The following YWHAQ variants were observed in gnomAD, a reference collection of about 807,000 sequenced individuals.
YWHAQ encodes the protein 14-3-3 protein theta.
A neutral mutation model predicts 28.3 loss-of-function variants in YWHAQ; 6 were observed. That is an observed-to-expected ratio of 0.21 (90% CI 0.12 to 0.42). The LOEUF (loss-of-function observed/expected upper bound fraction) is 0.42, where lower values mean the gene tolerates loss of function less well. Ranked by LOEUF, YWHAQ falls within the 10% of genes least tolerant of loss-of-function variation. YWHAQ has a pLI of 1.00. For synonymous variants in YWHAQ, 143 were observed against 119.1 expected, an observed-to-expected ratio of 1.20 and a Z score of -1.31; for missense variants, 201 against 305.6, an observed-to-expected ratio of 0.66 and a Z score of 2.55.
intron 2 of YWHAQ, among the ~76,000 whole-genome samples, chr2:9,601,807 G>A (rs772902950): frequency 5.3e-5 from 8 of 152,002 alleles, no homozygotes; most frequent in South Asian, 2.1e-4. Context: ...CACCTTGCTC[G>A]GCTAATTTCT....
Position 9,630,588 on chromosome 2 carries a change from TCAGA to T in YWHAQ, c.-82-58_-82-55del. On this transcript the variant is annotated intron_variant, in intron 1 of 5. Transcript: ENST00000238081. The surrounding 1 kb of genome is among the most constrained non-coding windows in gnomAD (Gnocchi z 5.6). ...AACAAAAAGCAGAGAGGGAGCGCCG[TCAGA>T]CAATGCGGCCCGCCGCCCGCTTTTG... The T allele has an allele frequency of 2.4e-6, 2 of 843,860 alleles. No homozygotes were observed. Among genetic ancestry groups the T allele is most frequent in the Non-Finnish European group, 3.5e-6 (2 of 574,804 alleles). 52.3% of individuals were successfully genotyped at this position (843,860 alleles called of 1,614,324 possible).
At chr2:9,585,981 G>A (rs1269599929) in intron 5 of YWHAQ, among the ~76,000 whole-genome samples, 3 of 151,466 alleles carry the variant, frequency 2.0e-5, no homozygotes, top group African/African-American at 7.3e-5. Flanking sequence ...CAAAGTGATA[G>A]TCTCTATTCC....
intron 4 of YWHAQ, 142 bp downstream of exon 4, chr2:9,588,023 G>C (rs1666380805): frequency 1.9e-6 from 2 of 1,047,952 alleles, no homozygotes; most frequent in South Asian, 2.0e-5. Context: ...AGGTAATCAT[G>C]ATGGGAAGAA....
intron 2 of YWHAQ, among the ~76,000 whole-genome samples, chr2:9,623,930 G>C (rs995809686): frequency 4.6e-5 from 7 of 152,154 alleles, no homozygotes; most frequent in Admixed American, 1.3e-4. Flanking sequence ...GTCTTTAAAA[G>C]AGCTCAGGGC....
intron 2 of YWHAQ, among the ~76,000 whole-genome samples, chr2:9,615,633 A>C (rs1013708469): frequency 2.8e-4 from 42 of 152,132 alleles, no homozygotes; most frequent in Admixed American, 1.3e-4. Context: ...AGTCTTTATG[A>C]GCAATACCAG....
intron 2 of YWHAQ, among the ~76,000 whole-genome samples, chr2:9,611,753 C>T (rs969981132): frequency 6.6e-6 from 1 of 152,168 alleles, no homozygotes; most frequent in Non-Finnish European, 1.5e-5. Flanking sequence ...TCACTACAAC[C>T]TCTGCCTCCC....
intron 2 of YWHAQ, among the ~76,000 whole-genome samples, chr2:9,617,654 A>T (rs76468195): frequency 0.042 from 6,371 of 152,234 alleles, 376 homozygotes; most frequent in African/African-American, 0.13. Context: ...TTTATTTAAA[A>T]AAGGTTAGGT....
At chr2:9,605,138 C>G (rs895931010) in intron 2 of YWHAQ, among the ~76,000 whole-genome samples, 1 of 97,474 alleles carries the variant, frequency 1.0e-5, no homozygotes, top group African/African-American at 5.8e-5. Flanking sequence ...ATTCTGTTCT[C>G]TCTTTTTTTT....
chr2:9,623,178 C>T (rs1667175074), intron 2 of YWHAQ, among the ~76,000 whole-genome samples: 1 of 152,202 alleles, frequency 6.6e-6, no homozygotes. Context: ...GGTCCTCATA[C>T]ATCCAATACT....
At chr2:9,600,969 C>T (rs762896645) in intron 2 of YWHAQ, among the ~76,000 whole-genome samples, 5 of 152,178 alleles carry the variant, frequency 3.3e-5, no homozygotes, top group Admixed American at 6.5e-5. Context: ...GTGCACTTAA[C>T]AGACTACAGT....
intron 2 of YWHAQ, among the ~76,000 whole-genome samples, chr2:9,628,191 CCA>C (rs1667286281): frequency 6.6e-6 from 1 of 152,186 alleles, no homozygotes; most frequent in Non-Finnish European, 1.5e-5. Context: ...CCACCAAGCC[CCA>C]GTTAGCCTCT....
Position 9,591,515 on chromosome 2 carries a change from C to G in YWHAQ, c.295G>C (p.Glu99Gln), listed in dbSNP as rs1558541411. ...GCTATTAAATATTTATCCAACAATT[C>G]CTGAAATAAATAAGACAGAACATTA... is the stretch of plus-strand genomic sequence containing the variant. ...ELRSICTTVL[E>Q]LLDKYLIANA... The change falls in exon 3 of 6, where the codon GAA (glutamate) becomes CAA (glutamine). Residue 99 changes from glutamate (E) to glutamine (Q), a missense_variant and splice_region_variant. By Grantham distance (29) the Glu-to-Gln change is conservative. This residue lies in a region of YWHAQ where 162 missense variants were observed against 213.9 expected (regional missense o/e 0.76). Transcript: ENST00000238081. 7.5e-6 allele frequency: 12 copies of G among 1,606,276 alleles called. No homozygotes were observed. The highest frequency in any genetic ancestry group is 1.0e-5 in the Non-Finnish European group (12 of 1,174,236).
intron 2 of YWHAQ, among the ~76,000 whole-genome samples, chr2:9,617,960 C>T (rs1248456897): frequency 6.6e-6 from 1 of 150,952 alleles, no homozygotes; most frequent in Admixed American, 6.6e-5. Context: ...CAAGCTACAA[C>T]ACAAATAAAC....
rs1217622207 is a variant in YWHAQ, at chr2:9,630,258, G to T, written c.195C>A (p.Ile65=). 1 of 1,614,152 alleles carries T rather than the reference G, an allele frequency of 6.2e-7. No homozygotes were observed. The highest frequency in any genetic ancestry group is 8.5e-7 in the Non-Finnish European group (1 of 1,180,036). ...TGTCGGAGGTGTCGGTCTTCTGCTC[G>T]ATGCTAGAGATGACCCTCCAGGCGG... ...RRSAWRVISS[I]EQKTDTSDKK... Residue 65 remains isoleucine, a synonymous_variant, in exon 2 of 6, where the codon ATC becomes ATA. Coordinates refer to ENST00000238081, the MANE Select transcript of YWHAQ (RefSeq NM_006826.4). This position sits in a 1 kb window ranked among gnomAD's most constrained non-coding sequence, Gnocchi z 5.6.
intron 2 of YWHAQ, among the ~76,000 whole-genome samples, chr2:9,597,054 G>A (rs1233419004): frequency 1.3e-5 from 2 of 152,154 alleles, no homozygotes; most frequent in Non-Finnish European, 2.9e-5. Context: ...TTATACTATC[G>A]TTAGCTCTAT....
Position 9,585,020 on chromosome 2 carries a change from T to C in YWHAQ, c.*266A>G. Reference sequence around the variant, plus strand: ...TAAATACCAGATACATTTTTAGTCCTCTACATAAGTGTTTGGGAGTTACTT... The same window carrying C: ...TAAATACCAGATACATTTTTAGTCCCCTACATAAGTGTTTGGGAGTTACTT... On this transcript the variant is annotated 3_prime_UTR_variant, in exon 6 of 6. Transcript: ENST00000238081. The C allele has an allele frequency of 2.5e-6, 1 of 404,190 alleles. No individual in the cohort carries two copies. Among genetic ancestry groups the C allele is most frequent in the African/African-American group, 2.0e-5 (1 of 49,180 alleles). The allele number at this position is 404,190 out of a possible 1,614,324, so 25.0% of individuals were successfully genotyped here.
At chr2:9,620,360 G>A (rs1240957710) in intron 2 of YWHAQ, among the ~76,000 whole-genome samples, 1 of 152,160 alleles carries the variant, frequency 6.6e-6, no homozygotes, top group Admixed American at 6.5e-5. Flanking sequence ...TACTCATCTG[G>A]ATAGAAAAAC....
chr2:9,616,287 T>C (rs766579290), intron 2 of YWHAQ, among the ~76,000 whole-genome samples: 1 of 152,158 alleles, frequency 6.6e-6, no homozygotes, highest in Non-Finnish European at 1.5e-5. Context: ...ATTGGACCTT[T>C]TCCTCACTCC....
At position 9,591,384 on chromosome 2, in the gene YWHAQ, A is replaced by G; in HGVS notation, c.418+8T>C. On this transcript the variant is annotated splice_region_variant and intron_variant, in intron 3 of 5. Transcript: ENST00000238081. ...TTCTACTTTTGCCCATATAACAAAT[A>G]AACTTACGTTTTCGATCATCACCAC... The G allele has an allele frequency of 6.2e-7, 1 of 1,608,414 alleles. No individual in the cohort carries two copies. Among genetic ancestry groups the G allele is most frequent in the Non-Finnish European group, 8.5e-7 (1 of 1,176,000 alleles).
Sources: gnomAD v4.1 joint callset for allele counts (sites outside exome capture counted in the v4.1 genomes callset) on GRCh38, gnomAD v4.1.1 for gene constraint, gnomAD v4.1.1 regional missense constraint, Gnocchi (gnomAD v3.1) non-coding constraint, MANE v1.5 for transcripts, NCBI Gene and HGNC (gene_info 2026-07-23, HGNC 2026-07-21) for gene names.